GPC4: variants seen among roughly 807,000 people sequenced by gnomAD.
GPC4 encodes glypican 4.
GPC4 carries 10 observed loss-of-function variants against 35.0 expected under a neutral mutation model. That is an observed-to-expected ratio of 0.29 (90% CI 0.18 to 0.48). GPC4 has a LOEUF of 0.48. GPC4 is among the 20% of genes least tolerant of loss of function. The pLI, the probability that GPC4 is intolerant of heterozygous loss-of-function variation, is 0.99. For missense variants in GPC4, 322 were observed against 451.3 expected, an observed-to-expected ratio of 0.71 and a Z score of 2.60; for synonymous variants, 167 against 170.2, an observed-to-expected ratio of 0.98 and a Z score of 0.15.
At chrX:133,396,643 G>A (rs765679595) in intron 1 of GPC4, among the ~76,000 whole-genome samples, 14 of 111,644 alleles carry the variant, frequency 1.3e-4, no homozygotes, top group South Asian at 7.6e-4. Flanking sequence ...CCTAACAGCC[G>A]AGTTGCCATT....
intron 1 of GPC4, among the ~76,000 whole-genome samples, chrX:133,355,713 T>C (rs2068538858): frequency 1.8e-5 from 2 of 111,706 alleles, no homozygotes; most frequent in African/African-American, 6.5e-5. Context: ...GTGTTGGAGA[T>C]GGGTCCTAGT....
chrX:133,307,943 T>C (rs977164841), intron 4 of GPC4, among the ~76,000 whole-genome samples: 1 of 111,887 alleles, frequency 8.9e-6, no homozygotes, highest in East Asian at 2.8e-4. Context: ...TTGTAAACTC[T>C]GAGCCAGCCG....
chrX:133,361,981 A>G (rs1411264448), intron 1 of GPC4, among the ~76,000 whole-genome samples: 1 of 110,771 alleles, frequency 9.0e-6, no homozygotes, highest in Non-Finnish European at 1.9e-5. Flanking sequence ...GGGGAGTCTG[A>G]GGCGGGAGGA....
Position 133,302,763 on chromosome X carries a change from ATTG to A in GPC4, c.*101_*103del. On this transcript the variant is annotated 3_prime_UTR_variant, in exon 9 of 9. Transcript: ENST00000370828. ...AGTGGCCACATAGTAAAAACTGTAC[ATTG>A]TTGTCCATTCATTTAAAAAGCAAAG... The A allele has an allele frequency of 1.4e-6, 1 of 728,403 alleles. No homozygotes were observed. Among genetic ancestry groups the A allele is most frequent in the Non-Finnish European group, 2.1e-6 (1 of 486,010 alleles). The allele number at this position is 728,403 out of a possible 1,213,427, so 60.0% of individuals were successfully genotyped here. A position where few individuals can be genotyped will look rare whatever the true frequency, so the allele number is the denominator to read the frequency against.
At position 133,324,155 on chromosome X, in the gene GPC4, T is replaced by C. The variant is rs1339322598; in HGVS notation, c.701A>G (p.Lys234Arg). ...GLAVAGDVVS[K>R]VSVVNPTAQC... ...ACAAGGAGTACTTACCACGGAGACC[T>C]TGCTCACGACATCTCCCGCAACCGC... The change falls in exon 3 of 9, where the codon AAG becomes AGG. Residue 234 changes from lysine to arginine, a missense_variant. Physicochemically the swap from Lys to Arg is conservative, Grantham distance 26. This residue lies in a region of GPC4 where 163 missense variants were observed against 277.2 expected (regional missense o/e 0.59). Coordinates refer to ENST00000370828, the MANE Select transcript of GPC4 (RefSeq NM_001448.3). 1.7e-6 allele frequency: 2 copies of C among 1,198,697 alleles called. No individual in the cohort carries two copies. The highest frequency in any genetic ancestry group is 3.5e-5 in the African/African-American group (2 of 56,858).
rs2068830637 is a variant in GPC4, at chrX:133,414,798, C to T, written c.160+8G>A. On this transcript the variant is annotated splice_region_variant and intron_variant, in intron 1 of 8. Transcript: ENST00000370828. Reference sequence around the variant, plus strand: ...CTCTGCGCCCACCTCCCGGGTGTGCCCACCTACCGTTGATCTCGTGGAGGG... The same window carrying T: ...CTCTGCGCCCACCTCCCGGGTGTGCTCACCTACCGTTGATCTCGTGGAGGG... 5.0e-6 allele frequency: 6 copies of T among 1,208,667 alleles called. No individual in the cohort carries two copies. The South Asian group carries it at 1.1e-4, about 21-fold the overall frequency.
At chrX:133,414,064 G>A (rs915795822) in intron 1 of GPC4, among the ~76,000 whole-genome samples, 1 of 110,933 alleles carries the variant, frequency 9.0e-6, no homozygotes, top group African/African-American at 3.3e-5. Flanking sequence ...CTTAAAATGA[G>A]GTAAGAAAAA....
At chrX:133,399,244 C>T (rs1318023121) in intron 1 of GPC4, among the ~76,000 whole-genome samples, 3 of 111,805 alleles carry the variant, frequency 2.7e-5, no homozygotes. Flanking sequence ...AAGGCTTTAG[C>T]ACTAATTGTC....
Position 133,414,988 on chromosome X carries a change from T to G in GPC4, c.-23A>C. 1 of 1,198,360 alleles carries G rather than the reference T, an allele frequency of 8.3e-7. No homozygotes were observed. Among genetic ancestry groups the G allele is most frequent in the South Asian group, 1.8e-5 (1 of 55,824 alleles). ...CATGGTGCGGGCCGGGGCGGACGCG[T>G]TCCCACCTTTGGGACCGGACGGGAA... On this transcript the variant is annotated 5_prime_UTR_variant, in exon 1 of 9. Transcript: ENST00000370828.
At chrX:133,395,274 C>T (rs1052931771) in intron 1 of GPC4, among the ~76,000 whole-genome samples, 1 of 111,466 alleles carries the variant, frequency 9.0e-6, no homozygotes, top group South Asian at 3.8e-4. Context: ...CATGATTGTA[C>T]GAATCCTATT....
chrX:133,400,050 G>C (rs1246456216), intron 1 of GPC4, among the ~76,000 whole-genome samples: 2 of 112,349 alleles, frequency 1.8e-5, no homozygotes, highest in Non-Finnish European at 3.8e-5. Context: ...GTGCACTTTT[G>C]TTTTACACTG....
At chrX:133,325,229 A>C (rs1448247959) in intron 2 of GPC4, among the ~76,000 whole-genome samples, 1 of 110,752 alleles carries the variant, frequency 9.0e-6, no homozygotes, top group Non-Finnish European at 1.9e-5. Context: ...TTATACAATA[A>C]CATCATGAGA....
At chrX:133,361,939 G>T (rs1362959791) in intron 1 of GPC4, among the ~76,000 whole-genome samples, 1 of 111,141 alleles carries the variant, frequency 9.0e-6, no homozygotes, top group Non-Finnish European at 1.9e-5. Flanking sequence ...AAGGCCCAAT[G>T]CAATGGCTCA....
chrX:133,326,318 CCT>C (rs1306681234), intron 2 of GPC4, among the ~76,000 whole-genome samples: 1 of 111,582 alleles, frequency 9.0e-6, no homozygotes, highest in Non-Finnish European at 1.9e-5. Flanking sequence ...TCCAAAATCC[CCT>C]GAGTGGTTCT....
At chrX:133,399,940 C>T (rs2068761276) in intron 1 of GPC4, among the ~76,000 whole-genome samples, 1 of 111,231 alleles carries the variant, frequency 9.0e-6, no homozygotes, top group African/African-American at 3.3e-5. Context: ...TGCAGTGAGC[C>T]AAGATCACAC....
At chrX:133,316,048 G>C in intron 3 of GPC4, among the ~76,000 whole-genome samples, 1 of 111,692 alleles carries the variant, frequency 9.0e-6, no homozygotes, top group South Asian at 3.7e-4. Context: ...TGCTTATTTA[G>C]CTTTTATGGT....
intron 2 of GPC4, among the ~76,000 whole-genome samples, 189 bp downstream of exon 2, chrX:133,338,994 G>A (rs553083742): frequency 8.0e-4 from 88 of 110,688 alleles, no homozygotes; most frequent in African/African-American, 2.6e-3. Context: ...TTTCCATAAT[G>A]CCTACCATAC....
intron 1 of GPC4, among the ~76,000 whole-genome samples, chrX:133,374,367 T>C (rs1051745035): frequency 8.1e-5 from 9 of 111,238 alleles, no homozygotes; most frequent in African/African-American, 2.9e-4. Context: ...AGAAGCCCAG[T>C]GGGAGGAACA....
intron 1 of GPC4, among the ~76,000 whole-genome samples, chrX:133,396,976 C>A (rs746691339): frequency 8.9e-6 from 1 of 111,902 alleles, no homozygotes; most frequent in Non-Finnish European, 1.9e-5. Flanking sequence ...CCTTTCATTA[C>A]AGACCCAGCA....
Sources: allele counts gnomAD v4.1 joint callset (sites outside exome capture counted in the v4.1 genomes callset), GRCh38; gene constraint gnomAD v4.1.1; regional missense constraint gnomAD v4.1.1; transcripts MANE v1.5; gene names NCBI Gene and HGNC (gene_info 2026-07-23, HGNC 2026-07-21).